Variants in LRRIQ1 observed in about 807,000 individuals in gnomAD.
The protein encoded by LRRIQ1 is leucine rich repeats and IQ motif containing 1.
A neutral mutation model predicts 211.9 loss-of-function variants in LRRIQ1; 210 were observed. The ratio of observed to expected loss-of-function variants is 0.99; its 90% CI spans 0.89 to 1.11. The LOEUF is 1.11. Among genes scored for constraint, LRRIQ1 ranks in the 50% most tolerant of loss-of-function variants. The pLI is 0.00. For synonymous variants in LRRIQ1, 699 were observed against 650.1 expected, an observed-to-expected ratio of 1.08 and a Z score of -1.14; for missense variants, 2,136 against 1,939.5, an observed-to-expected ratio of 1.10 and a Z score of -1.90.
chr12:85,036,588 G>C (rs1284326063), intron 1 of LRRIQ1, among the ~76,000 whole-genome samples, 181 bp downstream of exon 1: 1 of 152,032 alleles, frequency 6.6e-6, no homozygotes, highest in Non-Finnish European at 1.5e-5. Context: ...GAGATTTCGA[G>C]AACTCATTCA....
intron 24 of LRRIQ1, among the ~76,000 whole-genome samples, chr12:85,207,159 G>T: frequency 6.6e-6 from 1 of 152,106 alleles, no homozygotes; most frequent in East Asian, 1.9e-4. Flanking sequence ...CACCAGGAGT[G>T]CTTGGGGAGC....
chr12:85,186,698 A>G (rs959918947), intron 24 of LRRIQ1, among the ~76,000 whole-genome samples: 2 of 152,152 alleles, frequency 1.3e-5, no homozygotes, highest in Non-Finnish European at 2.9e-5. Flanking sequence ...ATTAGTTCTT[A>G]GAATAAATGC....
intron 24 of LRRIQ1, among the ~76,000 whole-genome samples, chr12:85,191,299 A>T (rs552139938): frequency 6.6e-6 from 1 of 152,120 alleles, no homozygotes; most frequent in Non-Finnish European, 1.5e-5. Context: ...CTGTCATAAA[A>T]ATCTTACGTG....
rs376129169 is a variant in LRRIQ1 at position 85,106,629 on chromosome 12, G to A, written c.3377+14G>A. 1.1e-4 allele frequency: 165 copies of A among 1,539,086 alleles called. No homozygotes were observed. The highest frequency in any genetic ancestry group is 4.7e-4 in the Admixed American group (28 of 59,272). ...AACAAACTGGAGGTAAAGAGGCATT[G>A]TTGCACCCCATGTATATCCATTATT... On this transcript the variant is annotated intron_variant, in intron 15 of 26. Transcript: ENST00000393217.
chr12:85,154,672 C>T (rs1890444047), intron 23 of LRRIQ1, among the ~76,000 whole-genome samples: 1 of 151,078 alleles, frequency 6.6e-6, no homozygotes, highest in Non-Finnish European at 1.5e-5. Flanking sequence ...AGTGTAATTA[C>T]TTAATATATG....
chr12:85,181,185 A>G (rs1891963922), intron 24 of LRRIQ1, among the ~76,000 whole-genome samples: 1 of 151,928 alleles, frequency 6.6e-6, no homozygotes, highest in Non-Finnish European at 1.5e-5. Context: ...CCAGTAATAA[A>G]TCTAATTATA....
the LRRIQ1 span, among the ~76,000 whole-genome samples, chr12:85,270,261 A>G: frequency 1.3e-5 from 2 of 152,140 alleles, no homozygotes; most frequent in Admixed American, 6.5e-5. Flanking sequence ...TAACAGGAGA[A>G]GCTGAGATTT....
chr12:85,189,842 G>T (rs1892404332), intron 24 of LRRIQ1, among the ~76,000 whole-genome samples: 1 of 142,212 alleles, frequency 7.0e-6, no homozygotes, highest in Admixed American at 7.2e-5. Context: ...AAATATTATT[G>T]AATTATATAT....
At chr12:85,068,277 A>G (rs1390704405) in intron 10 of LRRIQ1, among the ~76,000 whole-genome samples, 2 of 151,968 alleles carry the variant, frequency 1.3e-5, no homozygotes, top group East Asian at 3.9e-4. Flanking sequence ...ATCTAGACTG[A>G]AATATCAGAG....
At chr12:85,243,355 C>CT (rs200252307) in intron 26 of LRRIQ1, among the ~76,000 whole-genome samples, 2,171 of 117,372 alleles carry the variant, frequency 0.018, 50 homozygotes, top group African/African-American at 0.057. Flanking sequence ...TATTATTATA[C>CT]TTTAAGTTTT....
intron 24 of LRRIQ1, among the ~76,000 whole-genome samples, chr12:85,174,288 A>G (rs182050088): frequency 2.0e-5 from 3 of 152,188 alleles, no homozygotes; most frequent in Admixed American, 2.0e-4. Context: ...TTGGCAGAAG[A>G]TATTGATAAA....
intron 24 of LRRIQ1, among the ~76,000 whole-genome samples, chr12:85,213,664 A>G (rs928202697): frequency 1.1e-4 from 17 of 152,052 alleles, no homozygotes; most frequent in African/African-American, 3.1e-4. Flanking sequence ...CTAGTAAACT[A>G]CAAATCAATA....
chr12:85,235,463 A>G (rs1159869), intron 26 of LRRIQ1, among the ~76,000 whole-genome samples: 72,688 of 152,080 alleles, frequency 0.48, 21,282 homozygotes, highest in African/African-American at 0.84. Flanking sequence ...AGATGCATCA[A>G]AGAAAGTGAG....
intron 24 of LRRIQ1, among the ~76,000 whole-genome samples, chr12:85,212,791 GAGAGAGAGAA>G (rs1345697269): frequency 5.2e-4 from 77 of 149,394 alleles, no homozygotes; most frequent in African/African-American, 1.4e-3. Flanking sequence ...TATATATAGA[GAGAGAGAGAA>G]AGAGAGAGAG....
chr12:85,176,838 T>A (rs1891732531), intron 24 of LRRIQ1, among the ~76,000 whole-genome samples: 1 of 152,300 alleles, frequency 6.6e-6, no homozygotes, highest in Admixed American at 6.5e-5. Context: ...TTGGGTTTTT[T>A]AAACTATGCA....
intron 11 of LRRIQ1, among the ~76,000 whole-genome samples, chr12:85,077,749 A>G (rs1883818016): frequency 6.6e-6 from 1 of 152,110 alleles, no homozygotes; most frequent in South Asian, 2.1e-4. Context: ...AGCTGGGCAG[A>G]TGGCTTGAGC....
chr12:85,065,346 C>T lies in LRRIQ1; in HGVS notation c.2476C>T (p.Arg826Ter), dbSNP rs368452686. The change falls in exon 9 of 27, where the codon CGA becomes TGA. Residue 826 changes from arginine to a stop codon, truncating the protein, a stop_gained. Coordinates refer to ENST00000393217, the MANE Select transcript of LRRIQ1 (RefSeq NM_001079910.2). LOFTEE classifies it high-confidence loss of function. ...TACAAATCTTCAGTTTCTATCCCTTCGACGCTGTGGATTAACTTCTTTGCA... is the reference window on the plus strand; with the variant it reads ...TACAAATCTTCAGTTTCTATCCCTTTGACGCTGTGGATTAACTTCTTTGCA... ...ECTNLQFLSL[R>*]RCGLTSLHSL... The T allele has an allele frequency of 4.1e-5, 66 of 1,610,788 alleles. No individual in the cohort carries two copies. The highest frequency in any genetic ancestry group is 5.2e-5 in the Non-Finnish European group (61 of 1,177,992).
intron 18 of LRRIQ1, 67 bp downstream of exon 18, chr12:85,128,100 G>A: frequency 1.7e-6 from 2 of 1,189,030 alleles, no homozygotes; most frequent in Non-Finnish European, 2.5e-6. Context: ...GATTTATTCT[G>A]TATTAAAAAT....
intron 1 of LRRIQ1, among the ~76,000 whole-genome samples, chr12:85,253,649 CA>C (rs1488489480): frequency 6.6e-6 from 1 of 152,020 alleles, no homozygotes; most frequent in Admixed American, 6.6e-5. Context: ...TACAGTTTTA[CA>C]TAAAATAGTA....
Sources: allele counts gnomAD v4.1 joint callset (sites outside exome capture counted in the v4.1 genomes callset), GRCh38; gene constraint gnomAD v4.1.1; transcripts MANE v1.5; gene names NCBI Gene and HGNC (gene_info 2026-07-23, HGNC 2026-07-21).